ALOX5AP: variants seen among roughly 807,000 people sequenced by gnomAD.
ALOX5AP encodes the protein arachidonate 5-lipoxygenase activating protein.
A neutral mutation model predicts 18.5 loss-of-function variants in ALOX5AP; 9 were observed. The observed-to-expected ratio is 0.49, with a 90% CI of 0.29 to 0.85. The LOEUF is 0.85. Ranked by LOEUF, ALOX5AP falls within the 40% of genes least tolerant of loss-of-function variation. ALOX5AP has a pLI of 0.08. For synonymous variants in ALOX5AP, 81 were observed against 78.6 expected (o/e 1.03, Z -0.16); for missense variants, 172 against 202.5 (o/e 0.85, Z 0.91).
At chr13:30,750,625 C>A (rs533165111) in intron 2 of ALOX5AP, among the ~76,000 whole-genome samples, 12 of 152,232 alleles carry the variant, frequency 7.9e-5, no homozygotes, top group Non-Finnish European at 1.6e-4. Context: ...AACATGAGAG[C>A]AATTGTGATA....
In ALOX5AP at chr13:30,744,143, C is replaced by T. The variant is rs143706085; in HGVS notation, c.154C>T (p.Arg52Trp). Residue 52 changes from arginine to tryptophan, a missense_variant, in exon 2 of 5, where the codon CGG (arginine) becomes TGG (tryptophan). Arg to Trp is a moderately radical substitution (Grantham distance 101). Coordinates refer to ENST00000380490, the MANE Select transcript of ALOX5AP (RefSeq NM_001629.4). ...GAGGACCGGAACACTTGCCTTTGAG[C>T]GGGTCTACACTGCCAAGTGAGTCCT... Reference protein sequence around the residue: ...FQRTGTLAFERVYTANQNCVD... With the variant: ...FQRTGTLAFEWVYTANQNCVD... 10 of 1,613,586 alleles carry T rather than the reference C, an allele frequency of 6.2e-6. No homozygotes were observed. The highest frequency in any genetic ancestry group is 2.7e-5 in the African/African-American group (2 of 74,840).
At chr13:30,740,590 G>A (rs776145054) in intron 1 of ALOX5AP, among the ~76,000 whole-genome samples, 40 of 152,192 alleles carry the variant, frequency 2.6e-4, no homozygotes, top group Non-Finnish European at 4.4e-4. Context: ...TGGGGAGTGA[G>A]GGGGCGGTGA....
intron 1 of ALOX5AP, among the ~76,000 whole-genome samples, chr13:30,740,029 T>C (rs147427843): frequency 1.6e-4 from 24 of 152,314 alleles, no homozygotes; most frequent in African/African-American, 4.8e-4. Context: ...GTGTTTACAG[T>C]GTCAGCTGTA....
At chr13:30,734,681 C>G (rs974749482), upstream of ALOX5AP, among the ~76,000 whole-genome samples, 2 of 152,238 alleles carry the variant, frequency 1.3e-5, no homozygotes, top group African/African-American at 4.8e-5. Flanking sequence ...GCGATTGCCT[C>G]AGAAAAGTCA....
intron 1 of ALOX5AP, among the ~76,000 whole-genome samples, chr13:30,721,228 T>C (rs1291065576): frequency 1.3e-5 from 2 of 152,228 alleles, no homozygotes; most frequent in Non-Finnish European, 2.9e-5. Flanking sequence ...AATTTTGCCA[T>C]GTCTCAATCC....
At chr13:30,756,523 T>C (rs563907752) in intron 4 of ALOX5AP, among the ~76,000 whole-genome samples, 1 of 152,256 alleles carries the variant, frequency 6.6e-6, no homozygotes, top group African/African-American at 2.4e-5. Flanking sequence ...GATGCAGACA[T>C]GACAGCAGGG....
chr13:30,754,646 G>A lies in ALOX5AP; in HGVS notation c.242-1298G>A, dbSNP rs571171880. Among the ~76,000 whole-genome samples, 6 of 152,320 alleles carry A rather than the reference G, an allele frequency of 3.9e-5. No individual in the cohort carries two copies. In the South Asian group the frequency reaches 1.2e-3, roughly 32 times the overall value. ...TGTTATTATTGATAATGCAGGTGGT[G>A]GTGATAAAGTTTTGAAATCAGAAAG... On this transcript the variant is annotated intron_variant, in intron 3 of 4. Coordinates refer to ENST00000380490, the MANE Select transcript of ALOX5AP (RefSeq NM_001629.4).
At position 30,719,555 on chromosome 13, in the gene ALOX5AP, G is replaced by A. The variant is rs570189458; in HGVS notation, c.116+5714G>A. The stretch of plus-strand genomic sequence containing the variant: ...CTAGGTATAGATTTCAGAGAACTAA[G>A]CTTGTTACAATCCTTCATAAAATAA... On this transcript the variant is annotated intron_variant, in intron 1 of 5. Transcript: ENST00000617770. Among the ~76,000 whole-genome samples, 10 of 152,298 alleles carry A rather than the reference G, an allele frequency of 6.6e-5. No homozygotes were observed. In the South Asian group the frequency reaches 1.9e-3, roughly 28 times the overall value.
chr13:30,738,755 A>T (rs1011504144), intron 1 of ALOX5AP, among the ~76,000 whole-genome samples: 1 of 152,180 alleles, frequency 6.6e-6, no homozygotes, highest in Non-Finnish European at 1.5e-5. Flanking sequence ...CTCCCGCAGG[A>T]GGCTGTTCCA....
At chr13:30,731,455 C>T (rs557655203), upstream of ALOX5AP, among the ~76,000 whole-genome samples, 1 of 151,784 alleles carries the variant, frequency 6.6e-6, no homozygotes, top group African/African-American at 2.4e-5. Context: ...CTCACTGAAG[C>T]CTCCATCTCT....
chr13:30,751,527 C>T lies in ALOX5AP; in HGVS notation c.171-525C>T, dbSNP rs1027656491. 1.1e-4 allele frequency among the ~76,000 whole-genome samples: 16 copies of T among 152,356 alleles called. 1 individual carries two copies. In the East Asian group the frequency reaches 3.1e-3, roughly 29 times the overall value. On this transcript the variant is annotated intron_variant, in intron 2 of 4. Coordinates refer to ENST00000380490, the MANE Select transcript of ALOX5AP (RefSeq NM_001629.4). ...GTGCCCAGCATACAGTGATCACCCT[C>T]TTAGTAAGCTAAGTTTCTGAGCACC...
At chr13:30,758,948 G>T (rs1282427040) in intron 4 of ALOX5AP, among the ~76,000 whole-genome samples, 1 of 152,076 alleles carries the variant, frequency 6.6e-6, no homozygotes, top group Non-Finnish European at 1.5e-5. Context: ...CTCTTGAGTA[G>T]CTGAGACTAC....
chr13:30,717,447 C>A (rs919518271), intron 1 of ALOX5AP, among the ~76,000 whole-genome samples: 4 of 152,144 alleles, frequency 2.6e-5, no homozygotes, highest in Non-Finnish European at 5.9e-5. Flanking sequence ...AAGCCTAAAC[C>A]CTCCTTCTCC....
upstream of ALOX5AP, among the ~76,000 whole-genome samples, chr13:30,735,339 T>C (rs1951711534): frequency 6.6e-6 from 1 of 150,470 alleles, no homozygotes; most frequent in Non-Finnish European, 1.5e-5. Flanking sequence ...CAAGGAAATG[T>C]AGGAGAGTGT....
rs778311127 is a variant in ALOX5AP at position 30,735,636 on chromosome 13, C to T, written c.31C>T (p.Leu11=). The change falls in exon 1 of 5, where the codon CTG becomes TTG. Residue 11 remains leucine (L), a synonymous_variant. Transcript: ENST00000380490. ...TCAAGAAACTGTAGGCAATGTTGTCCTGTTGGCCATCGTCACCCTCATCAG... is the reference window on the plus strand; with the variant it reads ...TCAAGAAACTGTAGGCAATGTTGTCTTGTTGGCCATCGTCACCCTCATCAG... MDQETVGNVV[L]LAIVTLISVV... 6.2e-7 allele frequency: 1 copy of T among 1,614,070 alleles called. No homozygotes were observed. Among genetic ancestry groups the T allele is most frequent in the South Asian group, 1.1e-5 (1 of 91,076 alleles).
intron 4 of ALOX5AP, among the ~76,000 whole-genome samples, chr13:30,757,005 G>A (rs866550279): frequency 2.0e-5 from 3 of 152,020 alleles, no homozygotes; most frequent in South Asian, 2.1e-4. Context: ...AAATGTCGGC[G>A]TTAGAGTATG....
intron 1 of ALOX5AP, chr13:30,713,989 G>T: frequency 1.2e-6 from 1 of 814,206 alleles, no homozygotes; most frequent in East Asian, 2.7e-5. Context: ...GTGGCCCCAG[G>T]ATCTATATCA....
intron 1 of ALOX5AP, among the ~76,000 whole-genome samples, chr13:30,719,012 C>G (rs1044233673): frequency 2.0e-5 from 3 of 152,188 alleles, no homozygotes; most frequent in Non-Finnish European, 4.4e-5. Flanking sequence ...ACTTCTGTTG[C>G]CATCGTGCCT....
chr13:30,759,256 T>C (rs186881060), intron 4 of ALOX5AP, among the ~76,000 whole-genome samples: 1 of 152,286 alleles, frequency 6.6e-6, no homozygotes, highest in East Asian at 1.9e-4. Context: ...TTGCTCCCTC[T>C]TCCTATCCCA....
Sources: gnomAD v4.1 joint callset for allele counts (sites outside exome capture counted in the v4.1 genomes callset) on GRCh38, gnomAD v4.1.1 for gene constraint, MANE v1.5 for transcripts, NCBI Gene and HGNC (gene_info 2026-07-23, HGNC 2026-07-21) for gene names.